Variants in PLEKHA7 observed in about 807,000 individuals in gnomAD.
PLEKHA7 encodes the protein pleckstrin homology domain-containing family A member 7.
PLEKHA7 carries 104 observed loss-of-function variants against 170.0 expected under a neutral mutation model. The observed-to-expected ratio is 0.61, with a 90% confidence interval of 0.52 to 0.72. PLEKHA7 has a LOEUF of 0.72. PLEKHA7 is among the 30% of genes least tolerant of loss of function. PLEKHA7 has a pLI of 0.00. For synonymous variants in PLEKHA7, 648 were observed against 660.8 expected (o/e 0.98, Z 0.30); for missense variants, 1,615 against 1,671.7 (o/e 0.97, Z 0.59).
At chr11:16,935,348 G>A (rs1334058630) in intron 3 of PLEKHA7, among the ~76,000 whole-genome samples, 3 of 152,204 alleles carry the variant, frequency 2.0e-5, no homozygotes, top group Non-Finnish European at 2.9e-5. Flanking sequence ...CAGAAGAATC[G>A]CTTGAACCCG....
intron 3 of PLEKHA7, among the ~76,000 whole-genome samples, chr11:16,980,158 CTAGA>C (rs1863337151): frequency 1.3e-5 from 2 of 152,328 alleles, no homozygotes; most frequent in South Asian, 2.1e-4. Context: ...AGCATTGAGC[CTAGA>C]AAGACAGACA....
chr11:16,779,976 G>A (rs1045657703), intron 26 of PLEKHA7, among the ~76,000 whole-genome samples: 3 of 62,796 alleles, frequency 4.8e-5, no homozygotes, highest in African/African-American at 9.8e-5. Flanking sequence ...TCTCTAAAAC[G>A]GGGAGGGGGG....
At position 16,803,044 on chromosome 11, in the gene PLEKHA7, C is replaced by A. The variant is rs762141481; in HGVS notation, c.2085G>T (p.Leu695=). The A allele has an allele frequency of 1.7e-5, 28 of 1,614,008 alleles. No homozygotes were observed. Among genetic ancestry groups the A allele is most frequent in the Non-Finnish European group, 2.4e-5 (28 of 1,179,984 alleles). The change falls in exon 15 of 27, where the codon CTG becomes CTT. Residue 695 remains leucine (L), a synonymous_variant. Transcript: ENST00000531066. The part of the protein sequence containing the change: ...KIAESDTDVK[L]SIFCEQDRVL... ...CCCTGTCTTGTTCACAGAAGATGCTCAGTTTGACCTAAAAGCAAGAACAGG... is the reference window on the plus strand; with the variant it reads ...CCCTGTCTTGTTCACAGAAGATGCTAAGTTTGACCTAAAAGCAAGAACAGG...
intron 3 of PLEKHA7, among the ~76,000 whole-genome samples, chr11:16,912,627 C>T (rs1284756823): frequency 1.3e-5 from 2 of 152,144 alleles, no homozygotes; most frequent in Admixed American, 6.5e-5. Context: ...TCTCATCTTA[C>T]GTGTGTAGAA....
At chr11:16,982,520 G>A (rs1863490072) in intron 3 of PLEKHA7, among the ~76,000 whole-genome samples, 1 of 152,210 alleles carries the variant, frequency 6.6e-6, no homozygotes. Flanking sequence ...AGATCTCAAG[G>A]ACAGGTTTAA....
chr11:16,960,259 G>A lies in PLEKHA7; in HGVS notation c.221+53730C>T, dbSNP rs899081930. On this transcript the variant is annotated intron_variant, in intron 3 of 26. Coordinates refer to ENST00000531066, the MANE Select transcript of PLEKHA7 (RefSeq NM_001329630.2). Reference sequence around the variant, plus strand: ...TTCCACAGCCAGGACCCAAGTCCAGGACTCAAGTCCCACCCGCCCTGGAGA... The same window carrying A: ...TTCCACAGCCAGGACCCAAGTCCAGAACTCAAGTCCCACCCGCCCTGGAGA... Among the ~76,000 whole-genome samples the A allele has an allele frequency of 6.6e-5, 10 of 152,158 alleles. No homozygotes were observed. In the East Asian group the frequency reaches 1.9e-3, roughly 29 times the overall value.
At chr11:16,832,201 C>T (rs372182331) in intron 9 of PLEKHA7, among the ~76,000 whole-genome samples, 2 of 152,168 alleles carry the variant, frequency 1.3e-5, no homozygotes, top group East Asian at 3.8e-4. Flanking sequence ...ACTGTACCAA[C>T]CTACTGACTA....
At chr11:16,979,876 T>C (rs966125912) in intron 3 of PLEKHA7, among the ~76,000 whole-genome samples, 1 of 152,194 alleles carries the variant, frequency 6.6e-6, no homozygotes, top group Non-Finnish European at 1.5e-5. Context: ...AGCAGGTCTG[T>C]GTACACAGGC....
At chr11:16,893,308 T>C (rs1856795710) in intron 3 of PLEKHA7, among the ~76,000 whole-genome samples, 2 of 152,210 alleles carry the variant, frequency 1.3e-5, no homozygotes, top group African/African-American at 4.8e-5. Context: ...TACCCTACTG[T>C]GGGCATTTAG....
chr11:16,786,345 C>G lies in PLEKHA7; in HGVS notation c.3400G>C (p.Val1134Leu), dbSNP rs1357060472. 1 of 1,536,042 alleles carries G rather than the reference C, an allele frequency of 6.5e-7. No individual in the cohort carries two copies. Among genetic ancestry groups the G allele is most frequent in the Non-Finnish European group, 8.7e-7 (1 of 1,146,916 alleles). Reference sequence around the variant, plus strand: ...TTGTCCTTTTTTTCCCCTTGCACGACCCGTTCCAGCAACTGCAGGTCAAAG... The same window carrying G: ...TTGTCCTTTTTTTCCCCTTGCACGAGCCGTTCCAGCAACTGCAGGTCAAAG... ...QDFDLQLLER[V>L]VQGEKKDKEE... Residue 1134 changes from valine (V) to leucine (L), a missense_variant, in exon 24 of 27, where the codon GTC (valine) becomes CTC (leucine). Physicochemically the swap from Val to Leu is conservative, Grantham distance 32. Coordinates refer to ENST00000531066, the MANE Select transcript of PLEKHA7 (RefSeq NM_001329630.2).
intron 3 of PLEKHA7, among the ~76,000 whole-genome samples, chr11:16,906,273 A>AGGAAGGAAGGAAGGGG (rs1443469524): frequency 1.7e-5 from 2 of 116,052 alleles, no homozygotes; most frequent in African/African-American, 6.8e-5. Flanking sequence ...GAAGGAAGGA[A>AGGAAGGAAGGAAGGGG]GGAAGGAAAG....
rs189605588 is a variant in PLEKHA7, at chr11:16,885,556, G to A, written c.222-14374C>T. Among the ~76,000 whole-genome samples the A allele has an allele frequency of 1.9e-4, 29 of 150,092 alleles. No individual in the cohort carries two copies. In the East Asian group the frequency reaches 4.7e-3, roughly 24 times the overall value. On this transcript the variant is annotated intron_variant, in intron 3 of 26. Transcript: ENST00000531066. The stretch of plus-strand genomic sequence containing the variant: ...GCGGAGCCTGTAATCCCAGCTGTTC[G>A]GGAGACTGAGGCAGGAGGAAAAAAA...
intron 3 of PLEKHA7, among the ~76,000 whole-genome samples, chr11:16,917,187 C>T (rs1858745657): frequency 6.6e-6 from 1 of 152,082 alleles, no homozygotes; most frequent in Admixed American, 6.6e-5. Context: ...CCACTGCCCT[C>T]CAGCCTGGGT....
intron 9 of PLEKHA7, among the ~76,000 whole-genome samples, chr11:16,838,455 G>A (rs11024051): frequency 0.46 from 69,320 of 150,022 alleles, 17,647 homozygotes; most frequent in East Asian, 0.71. Flanking sequence ...CGAGGCTGCA[G>A]TGAACTATGA....
At chr11:16,836,545 C>T (rs759712422) in intron 9 of PLEKHA7, among the ~76,000 whole-genome samples, 8 of 152,242 alleles carry the variant, frequency 5.3e-5, no homozygotes, top group Non-Finnish European at 1.0e-4. Flanking sequence ...CACCCACTTA[C>T]AGAGATGGAG....
intron 3 of PLEKHA7, among the ~76,000 whole-genome samples, chr11:16,937,889 T>G (rs1165624320): frequency 5.3e-5 from 8 of 152,202 alleles, no homozygotes; most frequent in South Asian, 2.1e-4. Context: ...ATTACAGGTG[T>G]GAGCCACAGC....
intron 3 of PLEKHA7, among the ~76,000 whole-genome samples, chr11:16,905,339 G>T (rs904565879): frequency 6.6e-6 from 1 of 152,160 alleles, no homozygotes; most frequent in Non-Finnish European, 1.5e-5. Flanking sequence ...TTAAGGTGAA[G>T]TGAATATGGC....
chr11:16,791,408 A>C lies in PLEKHA7; in HGVS notation c.2746-209T>G. 1 of 621,394 alleles carries C rather than the reference A, an allele frequency of 1.6e-6. No homozygotes were observed. Among genetic ancestry groups the C allele is most frequent in the South Asian group, 1.9e-5 (1 of 52,862 alleles). 38.5% of individuals were successfully genotyped at this position (621,394 alleles called of 1,614,324 possible). On this transcript the variant is annotated intron_variant, in intron 19 of 26. Transcript: ENST00000531066. This position sits in a 1 kb window ranked among gnomAD's most constrained non-coding sequence, Gnocchi z 4.5. ...TGCTCCTCTATCCCCTCAGAGGTAT[A>C]CAGTTTCTATTCCTCCAAGTGTTAC...
chr11:16,786,401 A>G lies in PLEKHA7; in HGVS notation c.3358-14T>C. 6.5e-7 allele frequency: 1 copy of G among 1,536,092 alleles called. No individual in the cohort carries two copies. The highest frequency in any genetic ancestry group is 8.7e-7 in the Non-Finnish European group (1 of 1,146,882). On this transcript the variant is annotated splice_polypyrimidine_tract_variant and intron_variant, in intron 23 of 26. Coordinates refer to ENST00000531066, the MANE Select transcript of PLEKHA7 (RefSeq NM_001329630.2). The stretch of plus-strand genomic sequence containing the variant: ...CTCACGCTTCCACTGGCAACAGAAC[A>G]AGAGGTTAAACGTAGTCGCTTCCTG...
Sources: gnomAD v4.1 joint callset for allele counts (sites outside exome capture counted in the v4.1 genomes callset) on GRCh38, gnomAD v4.1.1 for gene constraint, Gnocchi (gnomAD v3.1) non-coding constraint, MANE v1.5 for transcripts, NCBI Gene and HGNC (gene_info 2026-07-23, HGNC 2026-07-21) for gene names.